RAB3GAP2: variants seen among roughly 807,000 people sequenced by gnomAD.
RAB3GAP2 encodes the protein RAB3 GTPase activating non-catalytic protein subunit 2.
Under a neutral mutation model 185.3 loss-of-function variants are expected in RAB3GAP2, and 87 were observed. That is an observed-to-expected ratio of 0.47 (90% CI 0.39 to 0.56). The LOEUF (loss-of-function observed/expected upper bound fraction) is 0.56, where lower values mean the gene tolerates loss of function less well. Ranked by LOEUF, RAB3GAP2 falls within the 20% of genes least tolerant of loss-of-function variation. RAB3GAP2 has a pLI of 0.00. For missense variants in RAB3GAP2, 1,492 were observed against 1,638.2 expected, an observed-to-expected ratio of 0.91 and a Z score of 1.54; for synonymous variants, 554 against 576.1, an observed-to-expected ratio of 0.96 and a Z score of 0.55.
intron 26 of RAB3GAP2, 47 bp from the exon 27 acceptor site, chr1:220,164,846 T>C: frequency 6.5e-7 from 1 of 1,546,480 alleles, no homozygotes; most frequent in Non-Finnish European, 8.8e-7. Flanking sequence ...AGGTATCATT[T>C]AATAGGTTTT....
chr1:220,234,093 C>T (rs1659550425), intron 1 of RAB3GAP2, among the ~76,000 whole-genome samples: 1 of 152,168 alleles, frequency 6.6e-6, no homozygotes, highest in Non-Finnish European at 1.5e-5. Flanking sequence ...CCCATCTAAA[C>T]TTTAGTTTTT....
At chr1:220,258,088 G>A (rs1156343954) in intron 1 of RAB3GAP2, among the ~76,000 whole-genome samples, 1 of 152,114 alleles carries the variant, frequency 6.6e-6, no homozygotes, top group African/African-American at 2.4e-5. Context: ...TTCTGAAATT[G>A]TAATAAATAC....
At chr1:220,176,462 G>A (rs1482303761) in intron 21 of RAB3GAP2, among the ~76,000 whole-genome samples, 1 of 152,128 alleles carries the variant, frequency 6.6e-6, no homozygotes, top group Non-Finnish European at 1.5e-5. Flanking sequence ...TCCCCACAAG[G>A]GGCTTGGCTA....
At chr1:220,217,917 T>G (rs1659228063) in intron 2 of RAB3GAP2, among the ~76,000 whole-genome samples, 1 of 152,190 alleles carries the variant, frequency 6.6e-6, no homozygotes, top group South Asian at 2.1e-4. Context: ...CAGATTATGA[T>G]CAAGCTGCTG....
intron 24 of RAB3GAP2, among the ~76,000 whole-genome samples, chr1:220,169,167 C>G (rs1342728066): frequency 6.6e-6 from 1 of 152,092 alleles, no homozygotes; most frequent in African/African-American, 2.4e-5. Flanking sequence ...AGAAAAAGTT[C>G]ACAAGTTTTA....
chr1:220,188,817 C>G (rs1658554213), intron 17 of RAB3GAP2, among the ~76,000 whole-genome samples: 1 of 152,098 alleles, frequency 6.6e-6, no homozygotes, highest in Non-Finnish European at 1.5e-5. Context: ...TAAATAAATT[C>G]TAGTCAGTGA....
chr1:220,189,472 G>T (rs565707826), intron 17 of RAB3GAP2, among the ~76,000 whole-genome samples: 2 of 151,446 alleles, frequency 1.3e-5, no homozygotes, highest in East Asian at 3.9e-4. Flanking sequence ...CCCTGCCTCG[G>T]CCTCCCAAAG....
At chr1:220,249,367 T>A (rs1002245913) in intron 1 of RAB3GAP2, among the ~76,000 whole-genome samples, 1 of 152,036 alleles carries the variant, frequency 6.6e-6, no homozygotes, top group African/African-American at 2.4e-5. Flanking sequence ...AAAAGGTCAC[T>A]CTTGTTATAC....
rs1657920468 is a variant in RAB3GAP2, at chr1:220,159,418, C to T, written c.3229G>A (p.Gly1077Arg). 17 of 1,595,570 alleles carry T rather than the reference C, an allele frequency of 1.1e-5. No individual in the cohort carries two copies. Among genetic ancestry groups the T allele is most frequent in the Non-Finnish European group, 1.4e-5 (16 of 1,164,158 alleles). ...CATAACCTATCTTTTGGTGATTTTCCAACCTAAAATAAAAAGATAAAATGT... is the reference window on the plus strand; with the variant it reads ...CATAACCTATCTTTTGGTGATTTTCTAACCTAAAATAAAAAGATAAAATGT... ...SAATYLMDKV[G>R]KSPKDRLCRR... Residue 1077 changes from glycine to arginine, a missense_variant, in exon 29 of 35, where the codon GGA becomes AGA. Transcript: ENST00000358951.
intron 2 of RAB3GAP2, among the ~76,000 whole-genome samples, chr1:220,227,658 C>A (rs1659425428): frequency 6.6e-6 from 1 of 152,182 alleles, no homozygotes; most frequent in South Asian, 2.1e-4. Context: ...CTCCGTAACA[C>A]CCGACTAATG....
Position 220,151,664 on chromosome 1 carries a change from T to C in RAB3GAP2, c.3968A>G (p.Glu1323Gly). The C allele has an allele frequency of 5.0e-6, 8 of 1,611,492 alleles. No homozygotes were observed. Among genetic ancestry groups the C allele is most frequent in the Non-Finnish European group, 6.8e-6 (8 of 1,178,012 alleles). The part of the protein sequence containing the change: ...AHALLHTQTK[E>G]GMELLARLPP... ...AAGTCTGGCAAGCAGCTCCATTCCT[T>C]CTTTTGTCTGGGTGTGGAGAAGCGC... Residue 1323 changes from glutamate to glycine, a missense_variant, in exon 34 of 35, where the codon GAA becomes GGA. Glu to Gly is a moderately conservative substitution (Grantham distance 98, BLOSUM62 -2). Transcript: ENST00000358951.
intron 27 of RAB3GAP2, among the ~76,000 whole-genome samples, chr1:220,162,709 C>T (rs1179864471): frequency 6.6e-6 from 1 of 152,134 alleles, no homozygotes; most frequent in Non-Finnish European, 1.5e-5. Context: ...GCTACTGAAG[C>T]TAAACATGTG....
chr1:220,188,319 C>T (rs1395367665), intron 17 of RAB3GAP2, among the ~76,000 whole-genome samples: 2 of 152,092 alleles, frequency 1.3e-5, no homozygotes, highest in Admixed American at 1.3e-4. Flanking sequence ...GATTAACATA[C>T]ATGAAATAAT....
At chr1:220,169,409 C>CT (rs1658133222) in intron 24 of RAB3GAP2, among the ~76,000 whole-genome samples, 1 of 152,114 alleles carries the variant, frequency 6.6e-6, no homozygotes, top group African/African-American at 2.4e-5. Context: ...GAATAACGTT[C>CT]TGTGGATATT....
chr1:220,186,223 T>A (rs1658504904), intron 17 of RAB3GAP2, among the ~76,000 whole-genome samples: 1 of 151,844 alleles, frequency 6.6e-6, no homozygotes, highest in Admixed American at 6.6e-5. Context: ...CTTCCCTACC[T>A]CCCTCTCCCC....
chr1:220,232,052 A>G (rs1487147261), intron 2 of RAB3GAP2, among the ~76,000 whole-genome samples: 1 of 152,264 alleles, frequency 6.6e-6, no homozygotes, highest in African/African-American at 2.4e-5. Flanking sequence ...ACTAACATAT[A>G]TAGGAACTTT....
chr1:220,236,577 C>G (rs1445344005), intron 1 of RAB3GAP2, among the ~76,000 whole-genome samples: 2 of 151,368 alleles, frequency 1.3e-5, no homozygotes, highest in Non-Finnish European at 2.9e-5. Flanking sequence ...TAGTGGACAG[C>G]AATTTTCAGC....
At chr1:220,155,383 T>C (rs971831457) in intron 31 of RAB3GAP2, among the ~76,000 whole-genome samples, 1 of 152,224 alleles carries the variant, frequency 6.6e-6, no homozygotes, top group African/African-American at 2.4e-5. Context: ...TACTCATCCT[T>C]TAGTGATAAG....
intron 1 of RAB3GAP2, among the ~76,000 whole-genome samples, chr1:220,245,445 T>C (rs554818324): frequency 2.6e-5 from 4 of 152,168 alleles, no homozygotes; most frequent in South Asian, 4.1e-4. Context: ...CACCCGAATA[T>C]TGCGCTTTTC....
Sources: gnomAD v4.1 joint callset for allele counts (sites outside exome capture counted in the v4.1 genomes callset) on GRCh38, gnomAD v4.1.1 for gene constraint, MANE v1.5 for transcripts, NCBI Gene and HGNC (gene_info 2026-07-23, HGNC 2026-07-21) for gene names.